Variants in SPIDR observed in about 807,000 individuals in gnomAD.
SPIDR encodes DNA repair-scaffolding protein.
In SPIDR, 93 loss-of-function variants were observed where a neutral mutation model predicts 104.6. The observed-to-expected ratio is 0.89, with a 90% CI of 0.75 to 1.06. The LOEUF (loss-of-function observed/expected upper bound fraction) is 1.06. Among genes scored for constraint, SPIDR ranks in the 50% least tolerant of loss-of-function variants. SPIDR has a pLI of 0.00. For missense variants in SPIDR, 1,154 were observed against 1,111.2 expected (o/e 1.04, Z -0.55); for synonymous variants, 431 against 416.9 (o/e 1.03, Z -0.41).
rs568435533 is a variant in SPIDR, at chr8:47,655,656, T to G, written c.1545-18145T>G. On this transcript the variant is annotated intron_variant, in intron 10 of 19. Transcript: ENST00000297423. Reference sequence around the variant, plus strand: ...TGTCAGATGAGTAGATTGCAAAAATTTTCTCCCATTCTGTAGGTTGCCTGT... The same window carrying G: ...TGTCAGATGAGTAGATTGCAAAAATGTTCTCCCATTCTGTAGGTTGCCTGT... Among the ~76,000 whole-genome samples the G allele has an allele frequency of 1.9e-3, 286 of 152,326 alleles. 2 individuals carry two copies. Among genetic ancestry groups the G allele is most frequent in the African/African-American group, 6.1e-3 (255 of 41,568 alleles).
At chr8:47,470,860 A>G (rs1336440322) in intron 8 of SPIDR, among the ~76,000 whole-genome samples, 2 of 151,486 alleles carry the variant, frequency 1.3e-5, no homozygotes, top group African/African-American at 4.9e-5. Context: ...TCAGCCTCCC[A>G]AGCAGCTGGG....
Position 47,452,738 on chromosome 8 carries a change from G to A in SPIDR, c.1097+12196G>A, listed in dbSNP as rs989418437. On this transcript the variant is annotated intron_variant, in intron 8 of 19. Transcript: ENST00000297423. ...AAAATAATAAGAGCTATTTATGACA[G>A]ACCCACAGCCAATATCATACTGAAT... 3.9e-5 allele frequency among the ~76,000 whole-genome samples: 6 copies of A among 152,172 alleles called. No homozygotes were observed. The East Asian group carries it at 9.6e-4, about 24-fold the overall frequency.
chr8:47,561,212 G>A (rs560227467), intron 8 of SPIDR, among the ~76,000 whole-genome samples: 1 of 152,308 alleles, frequency 6.6e-6, no homozygotes, highest in Admixed American at 6.5e-5. Flanking sequence ...AGGCTGTACT[G>A]CCAGAGTCTA....
chr8:47,660,530 C>T (rs1588940014), intron 10 of SPIDR: 1 of 985,218 alleles, frequency 1.0e-6, no homozygotes, highest in East Asian at 1.1e-4. Context: ...TCTGCTGCTA[C>T]CCTGTTCCCC....
intron 8 of SPIDR, among the ~76,000 whole-genome samples, chr8:47,448,708 G>A (rs1336953842): frequency 8.6e-5 from 13 of 152,038 alleles, no homozygotes; most frequent in Admixed American, 2.0e-4. Context: ...ACTACAGACC[G>A]AGAGATAGGG....
chr8:47,686,792 T>C (rs555160693), intron 11 of SPIDR, among the ~76,000 whole-genome samples: 1 of 152,230 alleles, frequency 6.6e-6, no homozygotes, highest in African/African-American at 2.4e-5. Context: ...TTGTCAGTGA[T>C]GTTGATATTA....
chr8:47,455,572 G>A (rs1410142727), intron 8 of SPIDR, among the ~76,000 whole-genome samples: 1 of 151,974 alleles, frequency 6.6e-6, no homozygotes, highest in East Asian at 1.9e-4. Context: ...TTAAAAGGTA[G>A]CAATTGGTAG....
chr8:47,300,853 G>C (rs1350939372), intron 5 of SPIDR, among the ~76,000 whole-genome samples: 4 of 152,140 alleles, frequency 2.6e-5, no homozygotes, highest in Admixed American at 6.6e-5. Flanking sequence ...ATGCTGAGGA[G>C]TGCTTTACTT....
chr8:47,698,856 G>A (rs1305356901), intron 11 of SPIDR, among the ~76,000 whole-genome samples: 1 of 152,196 alleles, frequency 6.6e-6, no homozygotes, highest in Non-Finnish European at 1.5e-5. Flanking sequence ...TGTAGCATGT[G>A]AGGGTCCTGC....
At chr8:47,677,593 A>G (rs375997495) in intron 11 of SPIDR, among the ~76,000 whole-genome samples, 2 of 152,244 alleles carry the variant, frequency 1.3e-5, no homozygotes, top group Non-Finnish European at 2.9e-5. Flanking sequence ...CATTTTGTCA[A>G]TACTCAGTGT....
At chr8:47,420,699 C>T (rs566150631) in intron 7 of SPIDR, among the ~76,000 whole-genome samples, 12 of 152,322 alleles carry the variant, frequency 7.9e-5, no homozygotes, top group Middle Eastern at 6.8e-3. Context: ...GATGCAGTTT[C>T]TTCTTAGCCT....
chr8:47,286,862 A>G (rs2038939441), intron 3 of SPIDR, among the ~76,000 whole-genome samples: 1 of 152,208 alleles, frequency 6.6e-6, no homozygotes, highest in Non-Finnish European at 1.5e-5. Context: ...ATCTTAGTAT[A>G]TATCTTTCTG....
rs907345838 is a variant in SPIDR at position 47,654,127 on chromosome 8, T to C, written c.1545-19674T>C. On this transcript the variant is annotated intron_variant, in intron 10 of 19. Transcript: ENST00000297423. ...AAGAGGCATGCAGGAGCCATTGGGA[T>C]ACTCCCAAAGTTCTCTGGCCAGGTG... The C allele has an allele frequency of 1.2e-5, 15 of 1,289,732 alleles. No homozygotes were observed. The African/African-American group carries it at 1.8e-4, about 16-fold the overall frequency. 79.9% of individuals were successfully genotyped at this position (1,289,732 alleles called of 1,614,324 possible).
chr8:47,589,018 G>GTTTTT (rs1564409706), intron 8 of SPIDR, among the ~76,000 whole-genome samples: 1 of 108,566 alleles, frequency 9.2e-6, no homozygotes, highest in African/African-American at 3.6e-5. Flanking sequence ...TTGGTTTATA[G>GTTTTT]TTTGTTTTTT....
At chr8:47,617,401 A>G (rs953474902) in intron 10 of SPIDR, among the ~76,000 whole-genome samples, 4 of 152,182 alleles carry the variant, frequency 2.6e-5, no homozygotes, top group Non-Finnish European at 5.9e-5. Flanking sequence ...TTTGAAGTCA[A>G]CTGTTATTCA....
intron 5 of SPIDR, among the ~76,000 whole-genome samples, chr8:47,386,910 GATATAGATATAGATATAGATATAGATATA>G (rs2060001527): frequency 8.0e-5 from 2 of 25,150 alleles, no homozygotes; most frequent in East Asian, 1.6e-3. Flanking sequence ...GAGAGATATA[GATATAGATATAGATATAGATATAGATATA>G]GATATAGATA....
intron 8 of SPIDR, among the ~76,000 whole-genome samples, chr8:47,480,924 T>C (rs1230586196): frequency 6.6e-6 from 1 of 152,246 alleles, no homozygotes. Flanking sequence ...CTGGACCTTA[T>C]GGAATGTTGA....
intron 5 of SPIDR, among the ~76,000 whole-genome samples, chr8:47,329,429 A>G (rs1361821704): frequency 2.0e-5 from 3 of 152,090 alleles, no homozygotes; most frequent in Admixed American, 6.6e-5. Context: ...GCTGGTCTCT[A>G]ACTCCTAGCC....
chr8:47,411,287 G>A (rs561318877), intron 7 of SPIDR, among the ~76,000 whole-genome samples: 43 of 152,324 alleles, frequency 2.8e-4, no homozygotes, highest in African/African-American at 9.6e-4. Flanking sequence ...CAGTGTAAAA[G>A]TGTTCCTATT....
Sources: allele counts gnomAD v4.1 joint callset (sites outside exome capture counted in the v4.1 genomes callset), GRCh38; gene constraint gnomAD v4.1.1; transcripts MANE v1.5; gene names NCBI Gene and HGNC (gene_info 2026-07-23, HGNC 2026-07-21).